The following STARD3NL variants were observed in gnomAD, a reference collection of about 807,000 sequenced individuals.
STARD3NL encodes the protein STARD3 N-terminal like.
STARD3NL carries 17 observed loss-of-function variants against 30.9 expected under a neutral mutation model. The ratio of observed to expected loss-of-function variants is 0.55; its 90% confidence interval spans 0.38 to 0.82. The LOEUF (loss-of-function observed/expected upper bound fraction) is 0.82, where lower values mean the gene tolerates loss of function less well. STARD3NL is among the 40% of genes least tolerant of loss of function. STARD3NL has a pLI of 0.00. For synonymous variants in STARD3NL, 112 were observed against 100.5 expected (o/e 1.11, Z -0.69); for missense variants, 234 against 277.6 (o/e 0.84, Z 1.12).
At chr7:38,195,212 A>T (rs1029467539) in intron 1 of STARD3NL, among the ~76,000 whole-genome samples, 4 of 152,062 alleles carry the variant, frequency 2.6e-5, no homozygotes, top group African/African-American at 9.7e-5. Context: ...GCACGTCACC[A>T]TGCTTGGCTA....
chr7:38,200,821 T>C (rs1199448695), intron 1 of STARD3NL, among the ~76,000 whole-genome samples: 2 of 152,196 alleles, frequency 1.3e-5, no homozygotes, highest in African/African-American at 4.8e-5. Context: ...GTCAACTTTG[T>C]TGACCTGCTG....
At chr7:38,197,849 G>A (rs1314263329) in intron 1 of STARD3NL, among the ~76,000 whole-genome samples, 1 of 152,174 alleles carries the variant, frequency 6.6e-6, no homozygotes. Flanking sequence ...GTTTATAAAT[G>A]TCAGGTTATT....
At chr7:38,206,727 T>C (rs1043632939) in intron 1 of STARD3NL, among the ~76,000 whole-genome samples, 2 of 152,150 alleles carry the variant, frequency 1.3e-5, no homozygotes, top group Non-Finnish European at 2.9e-5. Context: ...TAAGGTACTT[T>C]TGATGGAAAG....
chr7:38,217,484 G>A (rs1187888908), intron 6 of STARD3NL, among the ~76,000 whole-genome samples, 179 bp downstream of exon 6: 1 of 152,158 alleles, frequency 6.6e-6, no homozygotes, highest in African/African-American at 2.4e-5. Flanking sequence ...GAAAGGGTAA[G>A]TAACAGAAAG....
intron 1 of STARD3NL, among the ~76,000 whole-genome samples, chr7:38,187,049 GA>G (rs1187692974): frequency 6.6e-6 from 1 of 151,942 alleles, no homozygotes. Context: ...AGAAACAAAT[GA>G]AAGAACATTC....
intron 1 of STARD3NL, among the ~76,000 whole-genome samples, chr7:38,204,026 A>G (rs552882002): frequency 3.7e-4 from 56 of 152,296 alleles, no homozygotes; most frequent in Non-Finnish European, 7.4e-5. Flanking sequence ...ACTCCCACAC[A>G]ATAATAATGG....
At chr7:38,226,121 G>A (rs1786744135) in intron 7 of STARD3NL, among the ~76,000 whole-genome samples, 1 of 141,808 alleles carries the variant, frequency 7.1e-6, no homozygotes, top group Admixed American at 7.0e-5. Context: ...TCCTGGGAAT[G>A]GTCACACTTT....
chr7:38,190,423 A>G (rs1210477410), intron 1 of STARD3NL, among the ~76,000 whole-genome samples: 2 of 152,192 alleles, frequency 1.3e-5, no homozygotes, highest in Non-Finnish European at 2.9e-5. Context: ...TGTATACTGT[A>G]TGCATCTTAT....
chr7:38,178,875 AAAAG>A (rs892431194), intron 1 of STARD3NL, among the ~76,000 whole-genome samples: 10 of 151,838 alleles, frequency 6.6e-5, no homozygotes, highest in African/African-American at 2.2e-4. Flanking sequence ...AAAAAAAAAA[AAAAG>A]AAAGAAAGCA....
At chr7:38,193,211 A>G (rs1444957311) in intron 1 of STARD3NL, among the ~76,000 whole-genome samples, 3 of 152,218 alleles carry the variant, frequency 2.0e-5, no homozygotes, top group Admixed American at 1.3e-4. Context: ...GTGTTCGTGC[A>G]TGCTTTTGAA....
At chr7:38,211,265 G>A (rs958767653) in intron 2 of STARD3NL, among the ~76,000 whole-genome samples, 4 of 152,160 alleles carry the variant, frequency 2.6e-5, no homozygotes, top group Admixed American at 6.6e-5. Flanking sequence ...GTAGATCAGT[G>A]GCTTGGACTG....
At chr7:38,194,725 C>T (rs1332405516) in intron 1 of STARD3NL, among the ~76,000 whole-genome samples, 1 of 151,844 alleles carries the variant, frequency 6.6e-6, no homozygotes, top group Non-Finnish European at 1.5e-5. Flanking sequence ...CTATAGAGTT[C>T]CTTATTGCAA....
intron 1 of STARD3NL, among the ~76,000 whole-genome samples, chr7:38,193,500 G>T (rs1001199199): frequency 9.2e-5 from 14 of 152,076 alleles, no homozygotes; most frequent in Non-Finnish European, 1.8e-4. Flanking sequence ...GGGTTTCACT[G>T]TGTTAGCCAG....
intron 8 of STARD3NL, among the ~76,000 whole-genome samples, chr7:38,229,718 G>A (rs985927162): frequency 1.3e-5 from 2 of 152,162 alleles, no homozygotes; most frequent in East Asian, 1.9e-4. Context: ...ATGTAGACGC[G>A]AAGCAAAAAT....
At chr7:38,219,281 A>G (rs1786309608) in intron 6 of STARD3NL, among the ~76,000 whole-genome samples, 2 of 152,140 alleles carry the variant, frequency 1.3e-5, no homozygotes, top group Admixed American at 1.3e-4. Flanking sequence ...TCCTGGGCTC[A>G]AGCGATCCTC....
At chr7:38,216,932 G>T in intron 4 of STARD3NL, 93 bp from the exon 5 acceptor site, 2 of 1,479,656 alleles carry the variant, frequency 1.4e-6, no homozygotes, top group South Asian at 2.4e-5. Context: ...GGCCTTGCCT[G>T]CTCCTGGCTC....
Position 38,219,603 on chromosome 7 carries a change from C to T in STARD3NL, c.592C>T (p.Leu198Phe), listed in dbSNP as rs751403525. 10 of 1,613,140 alleles carry T rather than the reference C, an allele frequency of 6.2e-6. No homozygotes were observed. Among genetic ancestry groups the T allele is most frequent in the Non-Finnish European group, 8.5e-6 (10 of 1,179,254 alleles). Residue 198 changes from leucine (L) to phenylalanine (F), a missense_variant, in exon 7 of 9, where the codon CTT (leucine) becomes TTT (phenylalanine). Leu to Phe is a conservative substitution (Grantham distance 22). Transcript: ENST00000009041. ...IVQDASERAA[L>F]IPGGLSDGQF... ...TCAGGATGCTTCAGAGAGGGCAGCACTTATACCTGGTGGTCTTTCTGATGG... is the reference window on the plus strand; with the variant it reads ...TCAGGATGCTTCAGAGAGGGCAGCATTTATACCTGGTGGTCTTTCTGATGG...
intron 2 of STARD3NL, among the ~76,000 whole-genome samples, chr7:38,211,934 TCTTTTCCACTGTTTCTC>T (rs1379117052): frequency 3.3e-5 from 5 of 152,208 alleles, no homozygotes; most frequent in African/African-American, 7.2e-5. Context: ...CCACTTCTCT[TCTTTTCCACTGTTTCTC>T]CTTTTCCACT....
intron 1 of STARD3NL, among the ~76,000 whole-genome samples, chr7:38,195,232 T>C (rs1396742203): frequency 6.6e-6 from 1 of 152,168 alleles, no homozygotes; most frequent in African/African-American, 2.4e-5. Flanking sequence ...AATTTTTATA[T>C]TTTTATTAGA....
Sources: gnomAD v4.1 joint callset for allele counts (sites outside exome capture counted in the v4.1 genomes callset) on GRCh38, gnomAD v4.1.1 for gene constraint, MANE v1.5 for transcripts, NCBI Gene and HGNC (gene_info 2026-07-23, HGNC 2026-07-21) for gene names.